PRLR: variants seen among roughly 807,000 people sequenced by gnomAD.
PRLR encodes prolactin receptor, also known as hPRL receptor.
In PRLR, 13 loss-of-function variants were observed where a neutral mutation model predicts 40.2. The ratio of observed to expected loss-of-function variants is 0.32; its 90% CI spans 0.21 to 0.51. The LOEUF (loss-of-function observed/expected upper bound fraction) is 0.51. Among genes scored for constraint, PRLR ranks in the 20% least tolerant of loss-of-function variants. The pLI, the probability that PRLR is intolerant of heterozygous loss-of-function variation, is 0.97. For missense variants in PRLR, 656 were observed against 747.3 expected (o/e 0.88, Z 1.42); for synonymous variants, 269 against 278.7 (o/e 0.97, Z 0.35).
chr5:35,180,192 A>G (rs1775257307), intron 1 of PRLR, among the ~76,000 whole-genome samples: 2 of 152,186 alleles, frequency 1.3e-5, no homozygotes. Context: ...TCAGGCAGTA[A>G]TGAGCGATGG....
chr5:35,109,233 C>T (rs1772482132), intron 2 of PRLR, among the ~76,000 whole-genome samples: 3 of 152,300 alleles, frequency 2.0e-5, no homozygotes, highest in Admixed American at 6.5e-5. Context: ...GGATTAAAGA[C>T]TTAAATGTTA....
At position 35,065,913 on chromosome 5, in the gene PRLR, A is replaced by G. The variant is rs770077092; in HGVS notation, c.1045T>C (p.Ser349Pro). ...KPTYLDPDTD[S>P]GRGSCDSPSL... ...GGGCTGTCACAGCTCCCCCGGCCTG[A>G]GTCAGTGTCAGGATCCAGGTATGTG... The change falls in exon 10 of 10, where the codon TCA becomes CCA. Residue 349 changes from serine to proline, a missense_variant. Ser to Pro is a moderately conservative substitution (Grantham distance 74). Around this residue, in one of 3 missense-constraint regions of PRLR, gnomAD observed 469 missense variants for 491.5 expected, o/e 0.95. Transcript: ENST00000618457. 1 of 1,614,094 alleles carries G rather than the reference A, an allele frequency of 6.2e-7. No individual in the cohort carries two copies. The highest frequency in any genetic ancestry group is 8.5e-7 in the Non-Finnish European group (1 of 1,180,008).
chr5:35,171,064 T>A (rs1351324684), intron 1 of PRLR, among the ~76,000 whole-genome samples: 1 of 149,220 alleles, frequency 6.7e-6, no homozygotes, highest in Non-Finnish European at 1.5e-5. Flanking sequence ...TTTTTTTTTT[T>A]AATAGGATCT....
intron 1 of PRLR, among the ~76,000 whole-genome samples, chr5:35,182,509 TG>T (rs1198830363): frequency 6.6e-6 from 1 of 152,230 alleles, no homozygotes; most frequent in Non-Finnish European, 1.5e-5. Flanking sequence ...TTGTATTTAC[TG>T]GGAGCATGAA....
chr5:35,066,005 T>C lies in PRLR; in HGVS notation c.953A>G (p.Asp318Gly). 1 of 1,614,184 alleles carries C rather than the reference T, an allele frequency of 6.2e-7. No homozygotes were observed. Among genetic ancestry groups the C allele is most frequent in the Non-Finnish European group, 8.5e-7 (1 of 1,180,016 alleles). ...CATTAGATGCTGGTCCTCACTATCA[T>C]CTACTTCTAAATACTCCACCAGCAA... ...EDLLVEYLEV[D>G]DSEDQHLMSV... is the part of the protein sequence containing the mutation. The change falls in exon 10 of 10, where the codon GAT becomes GGT. Residue 318 changes from aspartate (D) to glycine (G), a missense_variant. Asp to Gly is a moderately conservative substitution (Grantham distance 94). Around this residue, in one of 3 missense-constraint regions of PRLR, gnomAD observed 469 missense variants for 491.5 expected, o/e 0.95. Coordinates refer to ENST00000618457, the MANE Select transcript of PRLR (RefSeq NM_000949.7).
At chr5:35,208,093 C>G (rs1776070031) in intron 1 of PRLR, among the ~76,000 whole-genome samples, 1 of 152,028 alleles carries the variant, frequency 6.6e-6, no homozygotes, top group Admixed American at 6.6e-5. Flanking sequence ...TTGTCTTTCT[C>G]TCGGACTGCC....
chr5:35,094,978 C>G (rs1771446407), intron 2 of PRLR, among the ~76,000 whole-genome samples: 1 of 152,002 alleles, frequency 6.6e-6, no homozygotes, highest in African/African-American at 2.4e-5. Context: ...GAGGCACGAG[C>G]CACCAACACC....
chr5:35,186,064 G>A (rs1775421245), intron 1 of PRLR, among the ~76,000 whole-genome samples: 1 of 152,136 alleles, frequency 6.6e-6, no homozygotes, highest in African/African-American at 2.4e-5. Flanking sequence ...GGCACGGGAT[G>A]TACCACATAG....
chr5:35,182,898 T>C (rs531911863), intron 1 of PRLR, among the ~76,000 whole-genome samples: 1 of 152,372 alleles, frequency 6.6e-6, no homozygotes, highest in East Asian at 1.9e-4. Flanking sequence ...TTCTCAGATT[T>C]TCCATATATG....
chr5:35,120,144 A>C (rs143485803), intron 1 of PRLR, among the ~76,000 whole-genome samples: 112 of 152,214 alleles, frequency 7.4e-4, no homozygotes, highest in African/African-American at 2.4e-3. Context: ...GGAGATGGGC[A>C]TATCAGGGTA....
intron 2 of PRLR, among the ~76,000 whole-genome samples, chr5:35,097,430 A>G (rs1205436674): frequency 2.0e-5 from 3 of 152,128 alleles, no homozygotes; most frequent in Admixed American, 2.0e-4. Flanking sequence ...CGAGTTGTCC[A>G]AGGTCACACA....
At chr5:35,073,938 G>A (rs984996955) in intron 5 of PRLR, among the ~76,000 whole-genome samples, 1 of 152,126 alleles carries the variant, frequency 6.6e-6, no homozygotes, top group Non-Finnish European at 1.5e-5. Context: ...CAATACTGCT[G>A]GTAGGAATGT....
chr5:35,080,578 T>G (rs1770442604), intron 5 of PRLR, among the ~76,000 whole-genome samples: 1 of 152,122 alleles, frequency 6.6e-6, no homozygotes, highest in Admixed American at 6.6e-5. Context: ...ATAGGAACAC[T>G]TTTACACTGT....
At chr5:35,098,133 CTT>C (rs1243907984) in intron 2 of PRLR, among the ~76,000 whole-genome samples, 4 of 152,154 alleles carry the variant, frequency 2.6e-5, no homozygotes, top group Admixed American at 6.5e-5. Context: ...ACCTCAATCA[CTT>C]TGGACTTGGC....
At position 35,227,835 on chromosome 5, in the gene PRLR, C is replaced by G. The variant is rs149449277; in HGVS notation, c.-106+2433G>C. Among the ~76,000 whole-genome samples, 24 of 152,286 alleles carry G rather than the reference C, an allele frequency of 1.6e-4. 1 individual carries two copies. The East Asian group carries it at 4.4e-3, about 28-fold the overall frequency. The stretch of plus-strand genomic sequence containing the variant: ...CCAGCCACAACACTTCTTTCCATGC[C>G]TGGCTGTTTTTAGCTGCAGGCACAG... On this transcript the variant is annotated intron_variant, in intron 1 of 9. Coordinates refer to ENST00000618457, the MANE Select transcript of PRLR (RefSeq NM_000949.7).
At chr5:35,087,541 C>G (rs1770937176) in intron 3 of PRLR, among the ~76,000 whole-genome samples, 1 of 150,942 alleles carries the variant, frequency 6.6e-6, no homozygotes, top group African/African-American at 2.4e-5. Context: ...GTCTATAAAA[C>G]TATAATTTGA....
intron 1 of PRLR, among the ~76,000 whole-genome samples, chr5:35,226,692 C>T (rs1234792749): frequency 6.6e-6 from 1 of 152,226 alleles, no homozygotes; most frequent in Non-Finnish European, 1.5e-5. Context: ...TGGCAGTCTT[C>T]TCTGACTTCC....
intron 1 of PRLR, among the ~76,000 whole-genome samples, chr5:35,213,652 A>G (rs1776220381): frequency 6.6e-6 from 1 of 152,204 alleles, no homozygotes; most frequent in Non-Finnish European, 1.5e-5. Context: ...ATGAACAATA[A>G]CAAGCATCTA....
intron 1 of PRLR, among the ~76,000 whole-genome samples, chr5:35,198,222 G>C (rs7703435): frequency 0.9 from 137,099 of 152,300 alleles, 62,490 homozygotes; most frequent in African/African-American, 0.96. Flanking sequence ...GATTGAGAAG[G>C]CTTGCCCCAG....
Sources: gnomAD v4.1 joint callset for allele counts (sites outside exome capture counted in the v4.1 genomes callset) on GRCh38, gnomAD v4.1.1 for gene constraint, gnomAD v4.1.1 regional missense constraint, MANE v1.5 for transcripts, NCBI Gene and HGNC (gene_info 2026-07-23, HGNC 2026-07-21) for gene names.